CNIH3: variants seen among roughly 807,000 people sequenced by gnomAD.
The protein encoded by CNIH3 is protein cornichon homolog 3.
CNIH3 carries 14 observed loss-of-function variants against 24.1 expected under a neutral mutation model. The ratio of observed to expected loss-of-function variants is 0.58; its 90% CI spans 0.38 to 0.91. The LOEUF is 0.91. Among genes scored for constraint, CNIH3 ranks in the 40% least tolerant of loss-of-function variants. CNIH3 has a pLI of 0.00. For missense variants in CNIH3, 178 were observed against 196.8 expected (o/e 0.90, Z 0.57); for synonymous variants, 68 against 73.8 (o/e 0.92, Z 0.40).
At chr1:224,519,571 G>A (rs939764467) in intron 1 of CNIH3, among the ~76,000 whole-genome samples, 4 of 150,968 alleles carry the variant, frequency 2.6e-5, no homozygotes, top group South Asian at 2.1e-4. Context: ...TTATGTGTGC[G>A]TGTACATATA....
intron 3 of CNIH3, among the ~76,000 whole-genome samples, chr1:224,706,033 C>G (rs1262187933): frequency 6.6e-6 from 1 of 151,962 alleles, no homozygotes; most frequent in African/African-American, 2.4e-5. Flanking sequence ...CTGCATTTTT[C>G]TTTCCGCAGC....
intron 1 of CNIH3, among the ~76,000 whole-genome samples, chr1:224,447,705 T>C (rs1462738152): frequency 6.6e-6 from 1 of 152,244 alleles, no homozygotes; most frequent in Non-Finnish European, 1.5e-5. Flanking sequence ...TGGCAACTTA[T>C]GGCAGGACCA....
chr1:224,546,613 G>T (rs1339220243), intron 2 of CNIH3, among the ~76,000 whole-genome samples: 1 of 152,188 alleles, frequency 6.6e-6, no homozygotes, highest in Non-Finnish European at 1.5e-5. Context: ...CCCAGTGTGT[G>T]TCACTTGGTT....
In CNIH3 at chr1:224,456,985, G is replaced by A. The variant is rs571547094; in HGVS notation, n.203+22123G>A. 3.6e-4 allele frequency among the ~76,000 whole-genome samples: 55 copies of A among 152,330 alleles called. No individual in the cohort carries two copies. In the Middle Eastern group the frequency reaches 0.014, roughly 38 times the overall value. On this transcript the variant is annotated intron_variant and non_coding_transcript_variant, in intron 1 of 5. Coordinates refer to the CNIH3 transcript ENST00000471578. ...GGCGTGGGAGCAGCAAGGCCACCCCGCTCAGGCCTCTGCCCTGGAGGAAGG... is the reference window on the plus strand; with the variant it reads ...GGCGTGGGAGCAGCAAGGCCACCCCACTCAGGCCTCTGCCCTGGAGGAAGG...
chr1:224,485,359 T>C (rs966056454), intron 1 of CNIH3, among the ~76,000 whole-genome samples: 1 of 152,226 alleles, frequency 6.6e-6, no homozygotes, highest in African/African-American at 2.4e-5. Flanking sequence ...AGCTCCTTTG[T>C]AGGTCATTTA....
chr1:224,637,180 C>T lies in CNIH3; in HGVS notation c.81+19925C>T, dbSNP rs182520109. Reference sequence around the variant, plus strand: ...ATGTTGGCCAGGCTGGTCTCGAACTCCTGACCTCCTGATCCACCCACCTCA... The same window carrying T: ...ATGTTGGCCAGGCTGGTCTCGAACTTCTGACCTCCTGATCCACCCACCTCA... On this transcript the variant is annotated intron_variant, in intron 1 of 5. Transcript: ENST00000272133. 8.1e-3 allele frequency among the ~76,000 whole-genome samples: 1,229 copies of T among 152,220 alleles called. 7 individuals carry two copies. Among genetic ancestry groups the T allele is most frequent in the Middle Eastern group, 0.02 (6 of 294 alleles).
intron 3 of CNIH3, among the ~76,000 whole-genome samples, chr1:224,554,665 C>T (rs887106217): frequency 6.6e-6 from 1 of 151,808 alleles, no homozygotes; most frequent in Non-Finnish European, 1.5e-5. Context: ...CTTAGTGAAG[C>T]CTTGACTTCC....
At chr1:224,596,225 A>T (rs1220130598) in intron 3 of CNIH3, among the ~76,000 whole-genome samples, 6 of 152,226 alleles carry the variant, frequency 3.9e-5, no homozygotes, top group Non-Finnish European at 5.9e-5. Flanking sequence ...TTTAAGTTGA[A>T]GCCAATGCTC....
At chr1:224,468,552 G>C (rs990090216) in intron 1 of CNIH3, among the ~76,000 whole-genome samples, 14 of 152,282 alleles carry the variant, frequency 9.2e-5, no homozygotes, top group South Asian at 2.1e-4. Context: ...GTTAAAAATA[G>C]ATTTATTAGG....
At chr1:224,647,984 A>G (rs1281993984) in intron 1 of CNIH3, among the ~76,000 whole-genome samples, 1 of 152,162 alleles carries the variant, frequency 6.6e-6, no homozygotes, top group Admixed American at 6.5e-5. Flanking sequence ...GGAGACATAT[A>G]CTGATGAATT....
chr1:224,708,422 TA>T (rs1410326911), intron 3 of CNIH3, among the ~76,000 whole-genome samples: 1 of 152,198 alleles, frequency 6.6e-6, no homozygotes, highest in Non-Finnish European at 1.5e-5. Flanking sequence ...GCATTGGCCT[TA>T]GTAACCCTTC....
intron 1 of CNIH3, among the ~76,000 whole-genome samples, chr1:224,450,910 A>G (rs775789111): frequency 1.3e-5 from 2 of 152,210 alleles, no homozygotes; most frequent in Non-Finnish European, 2.9e-5. Flanking sequence ...AGTTAATATA[A>G]CCACAAGAAT....
At chr1:224,485,017 TTTGA>T (rs1676971913) in intron 1 of CNIH3, among the ~76,000 whole-genome samples, 1 of 152,216 alleles carries the variant, frequency 6.6e-6, no homozygotes, top group South Asian at 2.1e-4. Flanking sequence ...GGTATCTATC[TTTGA>T]TTGTATGCCA....
chr1:224,561,083 A>G (rs73115933), intron 3 of CNIH3, among the ~76,000 whole-genome samples: 2,117 of 151,910 alleles, frequency 0.014, 49 homozygotes, highest in African/African-American at 0.048. Context: ...GTTCTCTGTT[A>G]TTTTGCTTTT....
At chr1:224,547,073 G>A in intron 3 of CNIH3, 1 of 173,286 alleles carries the variant, frequency 5.8e-6, no homozygotes, top group Non-Finnish European at 1.1e-5. Context: ...CATGCTGGAG[G>A]CTGAATGAAC....
At position 224,616,513 on chromosome 1, in the gene CNIH3, T is replaced by C; in HGVS notation, c.-662T>C. Reference sequence around the variant, plus strand: ...GGAGGCCGGCTGGCCGGAGTCACGGTTGGGGACGGGCGCGCCTCGGAGCGC... The same window carrying C: ...GGAGGCCGGCTGGCCGGAGTCACGGCTGGGGACGGGCGCGCCTCGGAGCGC... On this transcript the variant is annotated 5_prime_UTR_variant, in exon 1 of 6. Transcript: ENST00000272133. 1.0e-6 allele frequency: 1 copy of C among 987,584 alleles called. No homozygotes were observed. Among genetic ancestry groups the C allele is most frequent in the African/African-American group, 1.7e-5 (1 of 57,346 alleles). The allele number at this position is 987,584 out of a possible 1,614,324, so 61.2% of individuals were successfully genotyped here. A position where few individuals can be genotyped will look rare whatever the true frequency, so the allele number is the denominator to read the frequency against.
intron 1 of CNIH3, among the ~76,000 whole-genome samples, chr1:224,502,914 CA>C (rs1333054169): frequency 6.6e-6 from 1 of 151,968 alleles, no homozygotes; most frequent in Non-Finnish European, 1.5e-5. Flanking sequence ...TGTGAGTTGA[CA>C]GGGGGTAGAA....
chr1:224,564,557 A>T (rs1680503781), intron 3 of CNIH3, among the ~76,000 whole-genome samples: 1 of 152,234 alleles, frequency 6.6e-6, no homozygotes, highest in Non-Finnish European at 1.5e-5. Flanking sequence ...GACAAGGGTT[A>T]AAACTTGAAG....
intron 1 of CNIH3, chr1:224,665,011 T>G (rs1222943602): frequency 1.3e-5 from 2 of 152,232 alleles, no homozygotes; most frequent in Non-Finnish European, 2.9e-5. Flanking sequence ...CTGGGTCTAA[T>G]TTTTATTTTC....
Sources: gnomAD v4.1 joint callset for allele counts (sites outside exome capture counted in the v4.1 genomes callset) on GRCh38, gnomAD v4.1.1 for gene constraint, MANE v1.5 for transcripts, NCBI Gene and HGNC (gene_info 2026-07-23, HGNC 2026-07-21) for gene names.